MCC: variants seen among roughly 807,000 people sequenced by gnomAD.
The protein encoded by MCC is colorectal mutant cancer protein.
In MCC, 90 loss-of-function variants were observed where a neutral mutation model predicts 116.2. The ratio of observed to expected loss-of-function variants is 0.77; its 90% CI spans 0.65 to 0.92. The LOEUF (loss-of-function observed/expected upper bound fraction) is 0.92, where lower values mean the gene tolerates loss of function less well. MCC is among the 40% of genes least tolerant of loss of function. MCC has a pLI of 0.00. For missense variants in MCC, 1,516 were observed against 1,312.2 expected, an observed-to-expected ratio of 1.16 and a Z score of -2.40; for synonymous variants, 578 against 510.5, an observed-to-expected ratio of 1.13 and a Z score of -1.78.
At chr5:113,450,563 A>G (rs1029164213) in intron 1 of MCC, among the ~76,000 whole-genome samples, 6 of 152,242 alleles carry the variant, frequency 3.9e-5, no homozygotes, top group African/African-American at 1.4e-4. Flanking sequence ...AGGACCCAGC[A>G]TGCTTTTGAA....
intron 2 of MCC, among the ~76,000 whole-genome samples, chr5:113,368,022 G>C (rs985032060): frequency 4.3e-4 from 65 of 152,134 alleles, no homozygotes; most frequent in African/African-American, 1.5e-3. Flanking sequence ...TCTAGTAGGG[G>C]TAAGCTGAAG....
rs756574453 is a variant in MCC at position 113,049,237 on chromosome 5, C to T, written c.2511G>A (p.Glu837=). The part of the protein sequence containing the change: ...YLLEKEKKAL[E]LKLSTREAQE... ...GGGCCTCCCGCGTGCTCAGCTTCAG[C>T]TCCAGGGCCTTCTTCTCTTTCTCCA... The change falls in exon 16 of 19, where the codon GAG becomes GAA. Residue 837 remains glutamate (E), a synonymous_variant. Coordinates refer to ENST00000408903, the MANE Select transcript of MCC (RefSeq NM_001085377.2). 18 of 1,613,390 alleles carry T rather than the reference C, an allele frequency of 1.1e-5. No individual in the cohort carries two copies. The Admixed American group carries it at 2.3e-4, about 21-fold the overall frequency.
At chr5:113,029,385 T>C (rs779313145) in intron 17 of MCC, among the ~76,000 whole-genome samples, 8 of 149,168 alleles carry the variant, frequency 5.4e-5, no homozygotes, top group African/African-American at 7.4e-5. Context: ...CAGCAATGAG[T>C]GCGGCCTGAC....
At chr5:113,117,183 G>A (rs1460806660) in intron 6 of MCC, among the ~76,000 whole-genome samples, 3 of 152,262 alleles carry the variant, frequency 2.0e-5, no homozygotes, top group South Asian at 4.1e-4. Flanking sequence ...TCCCTGCCCC[G>A]ACCCTCTCTC....
chr5:113,153,436 C>T (rs1759999181), intron 3 of MCC, among the ~76,000 whole-genome samples: 1 of 152,114 alleles, frequency 6.6e-6, no homozygotes, highest in Admixed American at 6.5e-5. Flanking sequence ...GAAGAGGGGT[C>T]CAGGATGGGT....
intron 1 of MCC, chr5:113,432,487 G>T (rs543431393): frequency 5.4e-5 from 8 of 148,940 alleles, no homozygotes; most frequent in African/African-American, 2.0e-4. Flanking sequence ...TATAAAATGG[G>T]AATAATAATA....
intron 1 of MCC, among the ~76,000 whole-genome samples, chr5:113,413,142 G>A (rs1770041028): frequency 8.5e-5 from 13 of 152,134 alleles, no homozygotes; most frequent in Admixed American, 8.5e-4. Flanking sequence ...TGGTGGATAA[G>A]CTTTTTGATG....
chr5:113,349,671 C>G (rs1768218913), intron 2 of MCC, among the ~76,000 whole-genome samples: 1 of 152,038 alleles, frequency 6.6e-6, no homozygotes, highest in African/African-American at 2.4e-5. Flanking sequence ...TGTTATTCAG[C>G]ATAGTACTGG....
chr5:113,162,179 GTCCCAAC>G (rs1328480761), intron 3 of MCC, among the ~76,000 whole-genome samples: 2 of 152,282 alleles, frequency 1.3e-5, no homozygotes, highest in African/African-American at 4.8e-5. Context: ...GCCAACAATA[GTCCCAAC>G]TCGGATCACT....
chr5:113,442,929 G>A (rs1771085087), intron 1 of MCC, among the ~76,000 whole-genome samples: 1 of 152,190 alleles, frequency 6.6e-6, no homozygotes, highest in South Asian at 2.1e-4. Context: ...AAGTCAGGTA[G>A]CGTGATGCCT....
Position 113,333,846 on chromosome 5 carries a change from T to TATATATACACATATGTACATATGTAC in MCC, c.627+6672_627+6673insGTACATATGTACATATGTGTATATAT, listed in dbSNP as rs1469058009. Among the ~76,000 whole-genome samples, 17 of 62,626 alleles carry TATATATACACATATGTACATATGTAC rather than the reference T, an allele frequency of 2.7e-4. 5 individuals are homozygous for TATATATACACATATGTACATATGTAC. The highest frequency in any genetic ancestry group is 1.2e-3 in the African/African-American group (17 of 14,472). The allele number at this position is 62,626 out of a possible 152,430, so 41.1% of individuals were successfully genotyped here. On this transcript the variant is annotated intron_variant, in intron 3 of 18. Transcript: ENST00000408903. The stretch of plus-strand genomic sequence containing the variant: ...ATATATGTATATATGTATATATGTA[T>TATATATACACATATGTACATATGTAC]ATATGTACATATATGTATATATGTA...
At chr5:113,126,924 G>A (rs1822490) in intron 5 of MCC, among the ~76,000 whole-genome samples, 13,829 of 152,028 alleles carry the variant, frequency 0.091, 889 homozygotes, top group African/African-American at 0.18. Context: ...GGTTTGTTAC[G>A]CAGGTAAACT....
chr5:113,327,451 C>T lies in MCC; in HGVS notation c.627+13068G>A, dbSNP rs1195841094. 2.0e-5 allele frequency among the ~76,000 whole-genome samples: 3 copies of T among 147,302 alleles called. No homozygotes were observed. In the Admixed American group the frequency reaches 2.1e-4, roughly 10 times the overall value. ...GTCCCAGCTACTCGGGAGGCTGAGG[C>T]AGAAGAATCGCTTGAACCCAGGAGG... On this transcript the variant is annotated intron_variant, in intron 3 of 18. Coordinates refer to ENST00000408903, the MANE Select transcript of MCC (RefSeq NM_001085377.2).
intron 2 of MCC, among the ~76,000 whole-genome samples, chr5:113,348,265 C>T (rs1469046424): frequency 2.0e-5 from 3 of 152,054 alleles, no homozygotes; most frequent in Non-Finnish European, 4.4e-5. Flanking sequence ...GATACACATT[C>T]TTCTCCTCAG....
At chr5:113,378,416 G>A (rs949128358) in intron 2 of MCC, among the ~76,000 whole-genome samples, 5 of 152,190 alleles carry the variant, frequency 3.3e-5, no homozygotes, top group Admixed American at 2.0e-4. Context: ...GCAATAAAGA[G>A]TCTTTGGAGA....
Position 113,049,310 on chromosome 5 carries a change from A to AGCAC in MCC, c.2449-12_2449-11insGTGC. 6.4e-7 allele frequency: 1 copy of AGCAC among 1,557,878 alleles called. No individual in the cohort carries two copies. The highest frequency in any genetic ancestry group is 8.7e-7 in the Non-Finnish European group (1 of 1,149,410). ...CTCGGCCATCTCCTCCTACAGACAAAGGAGCACAGAGCACATGAGGCATGC... is the reference window on the plus strand; with the variant it reads ...CTCGGCCATCTCCTCCTACAGACAAAGCACGGAGCACAGAGCACATGAGGCATGC... On this transcript the variant is annotated splice_polypyrimidine_tract_variant and intron_variant, in intron 15 of 18. Coordinates refer to ENST00000408903, the MANE Select transcript of MCC (RefSeq NM_001085377.2).
intron 7 of MCC, among the ~76,000 whole-genome samples, chr5:113,102,632 T>C (rs1756490251): frequency 6.6e-6 from 1 of 152,214 alleles, no homozygotes; most frequent in Non-Finnish European, 1.5e-5. Context: ...TTTAAAAAAT[T>C]CATTTAAAAA....
At chr5:113,307,886 T>A (rs1043632540) in intron 3 of MCC, among the ~76,000 whole-genome samples, 2 of 152,200 alleles carry the variant, frequency 1.3e-5, no homozygotes, top group Non-Finnish European at 2.9e-5. Context: ...CTTCTTACTA[T>A]CTTTCCCAAG....
intron 8 of MCC, among the ~76,000 whole-genome samples, chr5:113,089,560 G>A (rs1263077090): frequency 1.3e-5 from 2 of 152,224 alleles, no homozygotes; most frequent in Non-Finnish European, 2.9e-5. Context: ...ATACACTCTA[G>A]ACCAGTACTA....
Sources: allele counts gnomAD v4.1 joint callset (sites outside exome capture counted in the v4.1 genomes callset), GRCh38; gene constraint gnomAD v4.1.1; transcripts MANE v1.5; gene names NCBI Gene and HGNC (gene_info 2026-07-23, HGNC 2026-07-21).